Variants in CLPB observed in about 807,000 individuals in gnomAD.
The protein encoded by CLPB is mitochondrial disaggregase.
In CLPB, 40 loss-of-function variants were observed where a neutral mutation model predicts 78.4. That is an observed-to-expected ratio of 0.51 (90% CI 0.40 to 0.66). The LOEUF (loss-of-function observed/expected upper bound fraction) is 0.66, where lower values mean the gene tolerates loss of function less well. Among genes scored for constraint, CLPB ranks in the 30% least tolerant of loss-of-function variants. The pLI is 0.00. For missense variants in CLPB, 780 were observed against 886.9 expected, an observed-to-expected ratio of 0.88 and a Z score of 1.53; for synonymous variants, 333 against 348.0, an observed-to-expected ratio of 0.96 and a Z score of 0.48.
At chr11:72,426,738 A>G (rs989367269) in intron 2 of CLPB, among the ~76,000 whole-genome samples, 1 of 152,224 alleles carries the variant, frequency 6.6e-6, no homozygotes, top group Non-Finnish European at 1.5e-5. Flanking sequence ...GACGGTAGAG[A>G]ACACAACCTT....
chr11:72,400,363 A>AT (rs143049794), intron 3 of CLPB, among the ~76,000 whole-genome samples: 4,440 of 152,316 alleles, frequency 0.029, 107 homozygotes, highest in Non-Finnish European at 0.04. Flanking sequence ...GCAAGTAAAT[A>AT]TAAGCCAACA....
At chr11:72,294,519 A>G (rs1949514513) in intron 13 of CLPB, 75 bp from the exon 14 acceptor site, 1 of 1,610,442 alleles carries the variant, frequency 6.2e-7, no homozygotes, top group Non-Finnish European at 8.5e-7. Context: ...ACACCAGGGG[A>G]AGACTGGGGA....
chr11:72,379,769 A>T (rs1854843851), intron 4 of CLPB, among the ~76,000 whole-genome samples: 1 of 152,154 alleles, frequency 6.6e-6, no homozygotes. Flanking sequence ...CAGGACTGCA[A>T]TTTACATTTA....
chr11:72,322,512 C>T (rs1438632327), intron 6 of CLPB, among the ~76,000 whole-genome samples: 1 of 152,110 alleles, frequency 6.6e-6, no homozygotes, highest in African/African-American at 2.4e-5. Flanking sequence ...AAGACATGAG[C>T]CATGTGCCCA....
rs769716909 is a variant in CLPB, at chr11:72,380,380, C to T, written c.547G>A (p.Val183Ile). The part of the protein sequence containing the change: ...VAAINRNNSV[V>I]QVLLAAGADP... ...GCCCCAGCAGCAAGCAGGACCTGTA[C>T]CACACTAGAAGAAATCACAAAGACA... The change falls in exon 4 of 16, where the codon GTA becomes ATA. Residue 183 changes from valine to isoleucine, a missense_variant. This residue lies in a region of CLPB where 417 missense variants were observed against 414.7 expected (regional missense o/e 1.01). Transcript: ENST00000538039. The T allele has an allele frequency of 3.1e-6, 5 of 1,613,518 alleles. No homozygotes were observed. The highest frequency in any genetic ancestry group is 1.7e-5 in the Admixed American group (1 of 60,018).
chr11:72,302,418 A>C (rs2135502022), intron 9 of CLPB, 70 bp from the exon 10 acceptor site: 3 of 1,352,794 alleles, frequency 2.2e-6, no homozygotes. Flanking sequence ...TAGGGAGGAG[A>C]GCACCTCAAC....
At chr11:72,373,991 CT>C (rs1304824853) in intron 4 of CLPB, among the ~76,000 whole-genome samples, 1 of 145,756 alleles carries the variant, frequency 6.9e-6, no homozygotes, top group Non-Finnish European at 1.5e-5. Flanking sequence ...AAGAACATTA[CT>C]TGCTCTGATA....
At chr11:72,358,067 A>G (rs959987766) in intron 5 of CLPB, among the ~76,000 whole-genome samples, 1 of 152,164 alleles carries the variant, frequency 6.6e-6, no homozygotes, top group Non-Finnish European at 1.5e-5. Context: ...GGAGTGGGAT[A>G]TGGGGAAGTG....
chr11:72,424,834 C>T (rs919316151), intron 2 of CLPB, among the ~76,000 whole-genome samples: 36 of 151,744 alleles, frequency 2.4e-4, no homozygotes, highest in African/African-American at 7.7e-4. Flanking sequence ...TGCAGTGAGC[C>T]GAGATCGCAC....
At chr11:72,337,919 G>C (rs1013358160) in intron 5 of CLPB, among the ~76,000 whole-genome samples, 3 of 152,152 alleles carry the variant, frequency 2.0e-5, no homozygotes, top group African/African-American at 7.2e-5. Context: ...GGGGCCAGGG[G>C]AATGGTGACA....
chr11:72,397,609 G>A (rs1855445686), intron 3 of CLPB, among the ~76,000 whole-genome samples: 1 of 152,114 alleles, frequency 6.6e-6, no homozygotes, highest in African/African-American at 2.4e-5. Flanking sequence ...AATTTGCACT[G>A]AGTATGTTTT....
intron 4 of CLPB, among the ~76,000 whole-genome samples, chr11:72,369,813 T>C (rs992600550): frequency 1.3e-5 from 2 of 152,268 alleles, no homozygotes; most frequent in African/African-American, 4.8e-5. Context: ...ATATTTATTT[T>C]CCTTTATTTC....
intron 4 of CLPB, among the ~76,000 whole-genome samples, chr11:72,370,418 T>C (rs1951021177): frequency 6.6e-6 from 1 of 152,202 alleles, no homozygotes; most frequent in Admixed American, 6.5e-5. Context: ...TGTATCCTGG[T>C]AACTCTATGG....
At chr11:72,428,020 G>T (rs1423425479) in intron 2 of CLPB, among the ~76,000 whole-genome samples, 1 of 152,110 alleles carries the variant, frequency 6.6e-6, no homozygotes, top group Non-Finnish European at 1.5e-5. Flanking sequence ...GGATGGTCAG[G>T]CTCCCTTTAC....
At chr11:72,345,800 A>G (rs1188008505) in intron 5 of CLPB, among the ~76,000 whole-genome samples, 1 of 152,238 alleles carries the variant, frequency 6.6e-6, no homozygotes, top group African/African-American at 2.4e-5. Context: ...GAACCCTAGT[A>G]ACTTAGGAAC....
chr11:72,350,657 A>C (rs774180808), intron 5 of CLPB, among the ~76,000 whole-genome samples: 19 of 152,198 alleles, frequency 1.2e-4, no homozygotes, highest in Non-Finnish European at 2.6e-4. Context: ...ATATTCTTTA[A>C]AAGGAAACTG....
intron 11 of CLPB, among the ~76,000 whole-genome samples, chr11:72,298,387 G>T (rs926134098): frequency 1.3e-5 from 2 of 152,202 alleles, no homozygotes; most frequent in African/African-American, 2.4e-5. Context: ...TTAGCTGCCT[G>T]TCTCCGCACT....
At chr11:72,431,471 T>C (rs543681495) in intron 1 of CLPB, among the ~76,000 whole-genome samples, 5 of 152,362 alleles carry the variant, frequency 3.3e-5, no homozygotes, top group Non-Finnish European at 5.9e-5. Flanking sequence ...CTAGCCCACC[T>C]ATCTAACCTC....
At chr11:72,402,254 G>A (rs1340753689) in intron 3 of CLPB, among the ~76,000 whole-genome samples, 1 of 151,458 alleles carries the variant, frequency 6.6e-6, no homozygotes, top group Non-Finnish European at 1.5e-5. Flanking sequence ...AAGCAAGACT[G>A]TATCTCAAAA....
Sources: gnomAD v4.1 joint callset for allele counts (sites outside exome capture counted in the v4.1 genomes callset) on GRCh38, gnomAD v4.1.1 for gene constraint, gnomAD v4.1.1 regional missense constraint, MANE v1.5 for transcripts, NCBI Gene and HGNC (gene_info 2026-07-23, HGNC 2026-07-21) for gene names.